The following MARK1 variants were observed in gnomAD, a reference collection of about 807,000 sequenced individuals.
MARK1 encodes serine/threonine-protein kinase MARK1.
In MARK1, 40 loss-of-function variants were observed where a neutral mutation model predicts 96.3. The observed-to-expected ratio is 0.42, with a 90% confidence interval of 0.32 to 0.54. MARK1 has a LOEUF of 0.54. Among genes scored for constraint, MARK1 ranks in the 20% least tolerant of loss-of-function variants. The pLI is 0.16. For synonymous variants in MARK1, 317 were observed against 341.2 expected, an observed-to-expected ratio of 0.93 and a Z score of 0.78; for missense variants, 719 against 984.6, an observed-to-expected ratio of 0.73 and a Z score of 3.61.
At chr1:220,583,814 A>ATTTTTTTT (rs34848222) in intron 3 of MARK1, among the ~76,000 whole-genome samples, 1,206 of 105,206 alleles carry the variant, frequency 0.011, no homozygotes, top group East Asian at 0.015. Flanking sequence ...TGCCTGGCTA[A>ATTTTTTTT]TTTTTTTTTT....
chr1:220,555,743 A>C (rs1662202247), intron 1 of MARK1, among the ~76,000 whole-genome samples: 2 of 152,190 alleles, frequency 1.3e-5, no homozygotes, highest in Non-Finnish European at 2.9e-5. Context: ...CATACAGTTG[A>C]CACACAAGTC....
chr1:220,599,948 C>A, intron 5 of MARK1, 85 bp downstream of exon 5: 1 of 782,568 alleles, frequency 1.3e-6, no homozygotes, highest in South Asian at 2.3e-5. Context: ...ACATTTATGT[C>A]TTCAGTGTTA....
chr1:220,543,149 G>A (rs1572050839), intron 1 of MARK1, among the ~76,000 whole-genome samples: 1 of 152,172 alleles, frequency 6.6e-6, no homozygotes, highest in Non-Finnish European at 1.5e-5. Flanking sequence ...ATCGAACTAT[G>A]AGCATCATAA....
chr1:220,658,668 C>T (rs903884651), intron 17 of MARK1, among the ~76,000 whole-genome samples: 19 of 152,324 alleles, frequency 1.2e-4, no homozygotes, highest in South Asian at 2.1e-4. Flanking sequence ...CATTCAGGAA[C>T]GATTGTGACC....
At chr1:220,559,502 A>G (rs186789233) in intron 1 of MARK1, among the ~76,000 whole-genome samples, 1 of 152,348 alleles carries the variant, frequency 6.6e-6, no homozygotes, top group Admixed American at 6.5e-5. Context: ...CATAGTTGGA[A>G]AGGGACATGT....
At chr1:220,603,507 G>T (rs1051382676) in intron 5 of MARK1, among the ~76,000 whole-genome samples, 7 of 152,044 alleles carry the variant, frequency 4.6e-5, no homozygotes, top group African/African-American at 1.7e-4. Context: ...ATTTAATTCT[G>T]TATAATTTGT....
Position 220,653,196 on chromosome 1 carries a change from G to T in MARK1, c.1832G>T (p.Arg611Leu). 1 of 1,614,196 alleles carries T rather than the reference G, an allele frequency of 6.2e-7. No individual in the cohort carries two copies. The highest frequency in any genetic ancestry group is 8.5e-7 in the Non-Finnish European group (1 of 1,180,038). Residue 611 changes from arginine (R) to leucine (L), a missense_variant, in exon 16 of 18, where the codon CGA becomes CTA. Arg to Leu is a moderately radical substitution (Grantham distance 102, BLOSUM62 -2). Around this residue, in one of 4 missense-constraint regions of MARK1, gnomAD observed 501 missense variants for 588.3 expected, o/e 0.85. Transcript: ENST00000366917. ...CGTTTTCCCCGAGGGAGCTCAAGCC[G>T]AAGCACTTTCCATGGTGAACAGCTC... The part of the protein sequence containing the change: ...RTRFPRGSSS[R>L]STFHGEQLRE...
rs779927602 is a variant in MARK1, at chr1:220,599,777, A to G, written c.359-21A>G. ...AATCTGTGCTAACAGTTATAGAGTT[A>G]TATCTCTAATTTTTTTTCAGTAAAA... On this transcript the variant is annotated intron_variant, in intron 4 of 17. Transcript: ENST00000366917. The G allele has an allele frequency of 1.1e-5, 15 of 1,389,280 alleles. No individual in the cohort carries two copies. The South Asian group carries it at 1.5e-4, about 14-fold the overall frequency. 86.1% of individuals were successfully genotyped at this position (1,389,280 alleles called of 1,614,324 possible). A position where few individuals can be genotyped will look rare whatever the true frequency, so the allele number is the denominator to read the frequency against.
intron 3 of MARK1, among the ~76,000 whole-genome samples, chr1:220,584,868 C>A (rs569659728): frequency 3.3e-5 from 5 of 152,302 alleles, no homozygotes; most frequent in Admixed American, 1.3e-4. Flanking sequence ...ATATCAGCTA[C>A]TCTCACATAT....
chr1:220,616,897 C>CA (rs1194004921), intron 7 of MARK1, among the ~76,000 whole-genome samples: 3 of 152,226 alleles, frequency 2.0e-5, no homozygotes, highest in East Asian at 1.9e-4. Flanking sequence ...AAAAAATCTG[C>CA]AAAAAATAAT....
Position 220,599,762 on chromosome 1 carries a change from A to G in MARK1, c.359-36A>G, listed in dbSNP as rs548512802. 1.0e-5 allele frequency: 12 copies of G among 1,205,280 alleles called. No individual in the cohort carries two copies. The South Asian group carries it at 1.4e-4, about 14-fold the overall frequency. 74.7% of individuals were successfully genotyped at this position (1,205,280 alleles called of 1,614,324 possible). A position where few individuals can be genotyped will look rare whatever the true frequency, so the allele number is the denominator to read the frequency against. On this transcript the variant is annotated intron_variant, in intron 4 of 17. Coordinates refer to ENST00000366917, the MANE Select transcript of MARK1 (RefSeq NM_018650.5). The stretch of plus-strand genomic sequence containing the variant: ...TCTTAAAGCATATTCAATCTGTGCT[A>G]ACAGTTATAGAGTTATATCTCTAAT...
chr1:220,559,417 A>G (rs1158595264), intron 1 of MARK1, among the ~76,000 whole-genome samples: 1 of 152,212 alleles, frequency 6.6e-6, no homozygotes, highest in Non-Finnish European at 1.5e-5. Context: ...TGAAGTAAAC[A>G]CAGAGAAGTG....
chr1:220,635,001 A>G (rs1302921118), intron 11 of MARK1, among the ~76,000 whole-genome samples: 1 of 152,142 alleles, frequency 6.6e-6, no homozygotes. Flanking sequence ...CCATCTATAA[A>G]GTGTAGGTTA....
chr1:220,573,468 C>T (rs967043740), intron 1 of MARK1, among the ~76,000 whole-genome samples: 3 of 152,044 alleles, frequency 2.0e-5, no homozygotes, highest in Admixed American at 2.0e-4. Flanking sequence ...GGACTACAGG[C>T]ACCCGCCACC....
At position 220,563,683 on chromosome 1, in the gene MARK1, T is replaced by C. The variant is rs73093524; in HGVS notation, c.52-15671T>C. ...CCATAGCCCTTTGAAGAAGATATTA[T>C]CATTCATTTTCCTACTTGTGGTAAC... On this transcript the variant is annotated intron_variant, in intron 1 of 17. Coordinates refer to ENST00000366917, the MANE Select transcript of MARK1 (RefSeq NM_018650.5). 3.7e-3 allele frequency among the ~76,000 whole-genome samples: 565 copies of C among 152,218 alleles called. 6 individuals carry two copies. The highest frequency in any genetic ancestry group is 0.013 in the African/African-American group (534 of 41,550).
At chr1:220,628,570 G>A (rs531152756) in intron 9 of MARK1, among the ~76,000 whole-genome samples, 1 of 152,050 alleles carries the variant, frequency 6.6e-6, no homozygotes, top group South Asian at 2.1e-4. Flanking sequence ...TGCTGTGCGG[G>A]TTTTTCTTCT....
intron 1 of MARK1, chr1:220,576,871 A>G (rs982812368): frequency 2.0e-5 from 3 of 152,234 alleles, no homozygotes; most frequent in East Asian, 1.9e-4. Context: ...GTTGAAGTAT[A>G]TATTGGGTAT....
chr1:220,605,671 C>A (rs1221238322), intron 6 of MARK1, among the ~76,000 whole-genome samples: 1 of 150,672 alleles, frequency 6.6e-6, no homozygotes, highest in African/African-American at 2.5e-5. Context: ...CCCAGCCCCC[C>A]ACCCCACGAC....
chr1:220,530,960 TG>T (rs11301235), intron 1 of MARK1, among the ~76,000 whole-genome samples: 89,149 of 151,992 alleles, frequency 0.59, 27,477 homozygotes, highest in Non-Finnish European at 0.68. Context: ...GGTAAAGGGT[TG>T]GGAAGGGGAT....
Sources: allele counts gnomAD v4.1 joint callset (sites outside exome capture counted in the v4.1 genomes callset), GRCh38; gene constraint gnomAD v4.1.1; regional missense constraint gnomAD v4.1.1; transcripts MANE v1.5; gene names NCBI Gene and HGNC (gene_info 2026-07-23, HGNC 2026-07-21).